ENKUR: variants seen among roughly 807,000 people sequenced by gnomAD.
ENKUR encodes enkurin, TRPC channel interacting protein.
A neutral mutation model predicts 27.6 loss-of-function variants in ENKUR; 19 were observed. That is an observed-to-expected ratio of 0.69 (90% CI 0.48 to 1.01). The LOEUF (loss-of-function observed/expected upper bound fraction) is 1.01. Ranked by LOEUF, ENKUR falls within the 50% of genes least tolerant of loss-of-function variation. The pLI is 0.00. For missense variants in ENKUR, 312 were observed against 310.5 expected (o/e 1.00, Z -0.04); for synonymous variants, 117 against 96.9 (o/e 1.21, Z -1.22).
chr10:24,995,797 A>G lies in ENKUR; in HGVS notation c.296T>C (p.Ile99Thr). 5 of 1,614,060 alleles carry G rather than the reference A, an allele frequency of 3.1e-6. No individual in the cohort carries two copies. The highest frequency in any genetic ancestry group is 4.2e-6 in the Non-Finnish European group (5 of 1,180,012). ...PLKTDHPVMGIQSGKNFINTN... is the reference protein window; with the variant it reads ...PLKTDHPVMGTQSGKNFINTN... ...ATTTATAAAATTTTTTCCACTCTGT[A>G]TTCCCATGACAGGATGATCAGTCTT... is the stretch of plus-strand genomic sequence containing the variant. The change falls in exon 3 of 6, where the codon ATA (isoleucine) becomes ACA (threonine). Residue 99 changes from isoleucine to threonine, a missense_variant. Coordinates refer to ENST00000331161, the MANE Select transcript of ENKUR (RefSeq NM_145010.4).
chr10:25,005,231 T>C (rs368452356), intron 1 of ENKUR, among the ~76,000 whole-genome samples: 111 of 152,298 alleles, frequency 7.3e-4, no homozygotes, highest in African/African-American at 2.6e-3. Flanking sequence ...ATTATTAGAA[T>C]TATGAGATAT....
Position 24,989,325 on chromosome 10 carries a change from C to T in ENKUR, c.594+1138G>A, listed in dbSNP as rs141871072. On this transcript the variant is annotated intron_variant, in intron 4 of 5. Transcript: ENST00000331161. The stretch of plus-strand genomic sequence containing the variant: ...GACCATTTCTGAACATCTGCGTTTT[C>T]ACTGGGCACTGTGCTAGGCACTGGG... Among the ~76,000 whole-genome samples, 112 of 152,304 alleles carry T rather than the reference C, an allele frequency of 7.4e-4. No individual in the cohort carries two copies. The East Asian group carries it at 0.014, about 19-fold the overall frequency.
At chr10:24,993,371 A>G (rs894180892) in intron 3 of ENKUR, among the ~76,000 whole-genome samples, 2 of 152,238 alleles carry the variant, frequency 1.3e-5, no homozygotes, top group African/African-American at 4.8e-5. Context: ...AATCCTCACT[A>G]CAACCCTGTG....
At chr10:24,998,661 C>T (rs2132693845) in intron 2 of ENKUR, among the ~76,000 whole-genome samples, 1 of 152,116 alleles carries the variant, frequency 6.6e-6, no homozygotes, top group African/African-American at 2.4e-5. Context: ...GAAATTGCTT[C>T]CATACATACC....
At chr10:25,006,940 G>T (rs561071315) in intron 1 of ENKUR, among the ~76,000 whole-genome samples, 2 of 152,156 alleles carry the variant, frequency 1.3e-5, no homozygotes, top group Non-Finnish European at 2.9e-5. Context: ...TTGTGAAAAA[G>T]ATCAATAACT....
At chr10:25,025,562 T>C (rs1564351330) in intron 2 of ENKUR, 1 of 1,100,584 alleles carries the variant, frequency 9.1e-7, no homozygotes, top group East Asian at 2.5e-5. Flanking sequence ...AATATCTCTA[T>C]ATCTGTTTGG....
At position 24,984,080 on chromosome 10, in the gene ENKUR, C is replaced by T. The variant is rs1849726085; in HGVS notation, c.*290G>A. 2.9e-6 allele frequency: 1 copy of T among 345,626 alleles called. No homozygotes were observed. The highest frequency in any genetic ancestry group is 5.2e-6 in the Non-Finnish European group (1 of 192,554). The allele number at this position is 345,626 out of a possible 1,614,324, so 21.4% of individuals were successfully genotyped here. On this transcript the variant is annotated 3_prime_UTR_variant, in exon 6 of 6. Coordinates refer to ENST00000331161, the MANE Select transcript of ENKUR (RefSeq NM_145010.4). Reference sequence around the variant, plus strand: ...GTATGCTAGAAAGGAGGCTATTCTCCTTAATCATCCTCAATGATGCCTTTA... The same window carrying T: ...GTATGCTAGAAAGGAGGCTATTCTCTTTAATCATCCTCAATGATGCCTTTA...
chr10:25,015,966 C>G lies in ENKUR; in HGVS notation c.-30G>C. On this transcript the variant is annotated 5_prime_UTR_variant, in exon 1 of 6. Transcript: ENST00000331161. ...ACCAAATGACTCCTTAAAAGCTACT[C>G]TCCACAACTTTTTTCTCCCTGTCCC... The G allele has an allele frequency of 6.3e-7, 1 of 1,592,198 alleles. No individual in the cohort carries two copies. Among genetic ancestry groups the G allele is most frequent in the Non-Finnish European group, 8.5e-7 (1 of 1,170,106 alleles).
In ENKUR at chr10:25,058,782, T is replaced by C. The variant is rs569323559; in HGVS notation, c.37+2330A>G. 1.4e-4 allele frequency among the ~76,000 whole-genome samples: 22 copies of C among 151,856 alleles called. No individual in the cohort carries two copies. In the South Asian group the frequency reaches 2.7e-3, roughly 19 times the overall value. ...CCTGTCTCTACTAACAATACAAAAATTAGCCAGGTGTAGTGGCTCATGCCT... is the reference window on the plus strand; with the variant it reads ...CCTGTCTCTACTAACAATACAAAAACTAGCCAGGTGTAGTGGCTCATGCCT... On this transcript the variant is annotated intron_variant, in intron 2 of 5. Transcript: ENST00000615958.
At chr10:25,025,716 CA>C in intron 2 of ENKUR, 1 of 393,136 alleles carries the variant, frequency 2.5e-6, no homozygotes, top group Non-Finnish European at 4.8e-6. Context: ...AGGGGTGTAT[CA>C]ATTTCCACTC....
chr10:25,049,637 A>G (rs1233547479), intron 2 of ENKUR, among the ~76,000 whole-genome samples: 2 of 152,006 alleles, frequency 1.3e-5, no homozygotes, highest in Non-Finnish European at 2.9e-5. Flanking sequence ...AAAATACAAA[A>G]ATTAGCCAGA....
intron 1 of ENKUR, among the ~76,000 whole-genome samples, chr10:25,001,655 A>G (rs1850192172): frequency 6.6e-6 from 1 of 152,004 alleles, no homozygotes; most frequent in Admixed American, 6.6e-5. Context: ...CGTTAATCCA[A>G]TCTATTACAT....
intron 1 of ENKUR, among the ~76,000 whole-genome samples, chr10:25,005,492 G>A (rs1438237644): frequency 6.6e-6 from 1 of 152,118 alleles, no homozygotes; most frequent in African/African-American, 2.4e-5. Context: ...GGCAAAATAG[G>A]CATCAAGGAT....
chr10:24,998,358 CCTCTCTCTCT>C (rs34059986), intron 2 of ENKUR, among the ~76,000 whole-genome samples: 2 of 117,306 alleles, frequency 1.7e-5, no homozygotes, highest in Non-Finnish European at 3.4e-5. Context: ...TTCCTTCCTT[CCTCTCTCTCT>C]CTCTCTCTCT....
intron 2 of ENKUR, among the ~76,000 whole-genome samples, chr10:25,054,842 AGTTTTTGT>A (rs1851235139): frequency 6.6e-6 from 1 of 151,734 alleles, no homozygotes. Context: ...AAGCCTGGCT[AGTTTTTGT>A]GTTTTTGTAG....
chr10:24,998,086 G>A (rs1053106416), intron 2 of ENKUR, among the ~76,000 whole-genome samples: 1 of 152,120 alleles, frequency 6.6e-6, no homozygotes, highest in Non-Finnish European at 1.5e-5. Flanking sequence ...TTGCCTGATA[G>A]TGCCCTCACC....
intron 2 of ENKUR, among the ~76,000 whole-genome samples, chr10:25,051,692 C>A: frequency 6.6e-6 from 1 of 152,220 alleles, no homozygotes; most frequent in African/African-American, 2.4e-5. Flanking sequence ...GCTCCGCCTC[C>A]GGTACTGGGG....
Position 25,016,134 on chromosome 10 carries a change from C to G in ENKUR, c.-198G>C, listed in dbSNP as rs938372463. The G allele has an allele frequency of 3.2e-6, 4 of 1,245,882 alleles. No homozygotes were observed. In the African/African-American group the frequency reaches 6.2e-5, roughly 19 times the overall value. 77.2% of individuals were successfully genotyped at this position (1,245,882 alleles called of 1,614,324 possible). The stretch of plus-strand genomic sequence containing the variant: ...GGGAAGAAAACACCCTATTTCTCTC[C>G]GGATTGCTAAGCGTCGTTGACTGTG... On this transcript the variant is annotated 5_prime_UTR_variant, in exon 1 of 6. Coordinates refer to ENST00000331161, the MANE Select transcript of ENKUR (RefSeq NM_145010.4).
upstream of ENKUR, among the ~76,000 whole-genome samples, chr10:25,020,682 A>C (rs1360841745): frequency 1.3e-5 from 2 of 151,878 alleles, no homozygotes; most frequent in Non-Finnish European, 2.9e-5. Flanking sequence ...TTGAGGCTGC[A>C]GTGAGCTGAG....
Sources: allele counts gnomAD v4.1 joint callset (sites outside exome capture counted in the v4.1 genomes callset), GRCh38; gene constraint gnomAD v4.1.1; transcripts MANE v1.5; gene names NCBI Gene and HGNC (gene_info 2026-07-23, HGNC 2026-07-21).